The following SLC22A24 variants were observed in gnomAD, a reference collection of about 807,000 sequenced individuals.
The protein encoded by SLC22A24 is solute carrier family 22 member 24, also known as steroid transmembrane transporter SLC22A24.
A neutral mutation model predicts 49.8 loss-of-function variants in SLC22A24; 53 were observed. That is an observed-to-expected ratio of 1.06 (90% confidence interval 0.85 to 1.34). The LOEUF is 1.34. Ranked by LOEUF, SLC22A24 falls within the 40% of genes most tolerant of loss-of-function variation. SLC22A24 has a pLI of 0.00. For synonymous variants in SLC22A24, 302 were observed against 256.4 expected (o/e 1.18, Z -1.70); for missense variants, 786 against 675.9 (o/e 1.16, Z -1.81).
At chr11:63,125,642 G>A (rs2087285087) in intron 2 of SLC22A24, among the ~76,000 whole-genome samples, 1 of 152,156 alleles carries the variant, frequency 6.6e-6, no homozygotes, top group Non-Finnish European at 1.5e-5. Context: ...CTTTATAGTA[G>A]CATGATTTAT....
intron 6 of SLC22A24, among the ~76,000 whole-genome samples, chr11:63,093,867 CA>C (rs2134642918): frequency 6.6e-6 from 1 of 151,794 alleles, no homozygotes; most frequent in South Asian, 2.1e-4. Flanking sequence ...AAATAAAATG[CA>C]AATTAAATTT....
At chr11:63,091,204 G>A (rs2087018566) in intron 6 of SLC22A24, among the ~76,000 whole-genome samples, 2 of 152,108 alleles carry the variant, frequency 1.3e-5, no homozygotes, top group South Asian at 2.1e-4. Context: ...GATGAACTTA[G>A]GAAGAAGTCA....
At chr11:63,087,720 GGAC>G (rs1282448832) in intron 6 of SLC22A24, among the ~76,000 whole-genome samples, 2 of 152,162 alleles carry the variant, frequency 1.3e-5, no homozygotes, top group Non-Finnish European at 2.9e-5. Flanking sequence ...AGCCTGCCTG[GGAC>G]GATGGAGCTT....
At chr11:63,138,187 T>C (rs576864731) in intron 1 of SLC22A24, among the ~76,000 whole-genome samples, 1 of 152,134 alleles carries the variant, frequency 6.6e-6, no homozygotes, top group East Asian at 1.9e-4. Context: ...CAATACTGTA[T>C]GAGATTTCTA....
At chr11:63,121,159 A>G (rs55759366) in intron 2 of SLC22A24, among the ~76,000 whole-genome samples, 2,339 of 152,326 alleles carry the variant, frequency 0.015, 26 homozygotes, top group Middle Eastern at 0.048. Flanking sequence ...TAATGTATGA[A>G]TATTGGTCTA....
At chr11:63,084,761 T>A (rs547854781) in intron 6 of SLC22A24, among the ~76,000 whole-genome samples, 1 of 152,098 alleles carries the variant, frequency 6.6e-6, no homozygotes, top group Non-Finnish European at 1.5e-5. Context: ...CACATTTACG[T>A]AGAGAAAAAG....
At chr11:63,138,353 T>C (rs1287931973) in intron 1 of SLC22A24, among the ~76,000 whole-genome samples, 1 of 152,068 alleles carries the variant, frequency 6.6e-6, no homozygotes, top group African/African-American at 2.4e-5. Context: ...TGAAATTGGC[T>C]TCTGAGGCCG....
chr11:63,104,198 T>C lies in SLC22A24; in HGVS notation c.931A>G (p.Thr311Ala). The stretch of plus-strand genomic sequence containing the variant: ...ACCTCAGTGGTCAGTGTCTCTTCAG[T>C]ATTCTTTTTTCCATTTATGTGTGCA... ...RVAHINGKKN[T>A]EETLTTELVR... is the part of the protein sequence containing the mutation. Residue 311 changes from threonine (T) to alanine (A), a missense_variant, in exon 5 of 10, where the codon ACT becomes GCT. Physicochemically the swap from Thr to Ala is moderately conservative, Grantham distance 58. Coordinates refer to ENST00000612278, the MANE Select transcript of SLC22A24 (RefSeq NM_001136506.2). 6.4e-7 allele frequency: 1 copy of C among 1,550,416 alleles called. No individual in the cohort carries two copies. The highest frequency in any genetic ancestry group is 1.2e-5 in the South Asian group (1 of 84,052).
intron 7 of SLC22A24, 104 bp from the exon 8 acceptor site, chr11:63,081,770 T>G: frequency 1.3e-6 from 1 of 756,372 alleles, no homozygotes; most frequent in Admixed American, 2.1e-5. Context: ...GTGTGAAATA[T>G]GTGGTAGACA....
At chr11:63,095,613 G>A (rs1041279683) in intron 6 of SLC22A24, among the ~76,000 whole-genome samples, 1 of 152,068 alleles carries the variant, frequency 6.6e-6, no homozygotes, top group Non-Finnish European at 1.5e-5. Flanking sequence ...TTGTCTGGGT[G>A]GTGGTTACAT....
chr11:63,089,239 A>G (rs968996860), intron 6 of SLC22A24, among the ~76,000 whole-genome samples: 3 of 152,368 alleles, frequency 2.0e-5, no homozygotes, highest in Middle Eastern at 6.8e-3. Flanking sequence ...GAAACCCTAC[A>G]AGCCAGAAGA....
chr11:63,099,529 T>C (rs973833426), intron 5 of SLC22A24, among the ~76,000 whole-genome samples: 8 of 151,784 alleles, frequency 5.3e-5, no homozygotes, highest in African/African-American at 1.5e-4. Context: ...CTACTCAAAC[T>C]ATTCTGAAAA....
In SLC22A24 at chr11:63,087,275, C is replaced by G. The variant is rs187407420; in HGVS notation, c.1071-3818G>C. On this transcript the variant is annotated intron_variant, in intron 6 of 9. Coordinates refer to ENST00000612278, the MANE Select transcript of SLC22A24 (RefSeq NM_001136506.2). ...GGGACTGGTTAGGCAGTGGCTGCAA[C>G]CCACAGAGGGCAGGCAGAAGCAGGG... Among the ~76,000 whole-genome samples, 958 of 152,228 alleles carry G rather than the reference C, an allele frequency of 6.3e-3. 13 individuals carry two copies. Among genetic ancestry groups the G allele is most frequent in the African/African-American group, 0.021 (883 of 41,538 alleles).
chr11:63,106,860 T>C (rs1413965687), intron 4 of SLC22A24, among the ~76,000 whole-genome samples: 2 of 152,182 alleles, frequency 1.3e-5, no homozygotes, highest in Non-Finnish European at 2.9e-5. Context: ...TTGCAAAAAT[T>C]TTCTCCGATT....
At chr11:63,132,911 G>A (rs541286482) in intron 2 of SLC22A24, among the ~76,000 whole-genome samples, 160 of 152,210 alleles carry the variant, frequency 1.1e-3, no homozygotes, top group Non-Finnish European at 1.9e-3. Flanking sequence ...TGCCCCCAGA[G>A]GTGGAATCTA....
chr11:63,082,442 A>C (rs1202574423), intron 7 of SLC22A24, among the ~76,000 whole-genome samples: 1 of 152,216 alleles, frequency 6.6e-6, no homozygotes, highest in African/African-American at 2.4e-5. Flanking sequence ...GGAGGCATGG[A>C]GCCCACCAGT....
intron 6 of SLC22A24, among the ~76,000 whole-genome samples, chr11:63,088,371 A>ACAACATCAGCATCAACATCAACAT (rs1555045471): frequency 6.6e-6 from 1 of 151,016 alleles, no homozygotes; most frequent in Admixed American, 6.6e-5. Flanking sequence ...ACAGAAAGCT[A>ACAACATCAGCATCAACATCAACAT]CAACATCAAC....
intron 1 of SLC22A24, among the ~76,000 whole-genome samples, chr11:63,141,744 CA>C (rs1162646935): frequency 1.3e-5 from 2 of 152,164 alleles, no homozygotes; most frequent in East Asian, 3.9e-4. Flanking sequence ...AGAGTTTCAT[CA>C]AAGCCAATTA....
intron 4 of SLC22A24, among the ~76,000 whole-genome samples, chr11:63,111,192 A>T (rs2087161215): frequency 6.6e-6 from 1 of 151,896 alleles, no homozygotes; most frequent in African/African-American, 2.4e-5. Flanking sequence ...CATCCCAGGG[A>T]TGAAGCCCAC....
Sources: allele counts gnomAD v4.1 joint callset (sites outside exome capture counted in the v4.1 genomes callset), GRCh38; gene constraint gnomAD v4.1.1; transcripts MANE v1.5; gene names NCBI Gene and HGNC (gene_info 2026-07-23, HGNC 2026-07-21).